Variants in NT5C3A observed in about 807,000 individuals in gnomAD.
The protein encoded by NT5C3A is 5'-nucleotidase, cytosolic IIIA, also known as cytosolic 5'-nucleotidase 3A.
NT5C3A carries 23 observed loss-of-function variants against 40.0 expected under a neutral mutation model. That is an observed-to-expected ratio of 0.58 (90% CI 0.41 to 0.81). The LOEUF is 0.81. Among genes scored for constraint, NT5C3A ranks in the 40% least tolerant of loss-of-function variants. NT5C3A has a pLI of 0.00. For missense variants in NT5C3A, 328 were observed against 403.0 expected, an observed-to-expected ratio of 0.81 and a Z score of 1.59; for synonymous variants, 130 against 141.4, an observed-to-expected ratio of 0.92 and a Z score of 0.57.
intron 1 of NT5C3A, among the ~76,000 whole-genome samples, chr7:33,032,997 T>C (rs948780769): frequency 2.6e-5 from 4 of 152,130 alleles, no homozygotes; most frequent in Non-Finnish European, 4.4e-5. Flanking sequence ...AGCGATCCTC[T>C]TGCCTTGGCC....
chr7:33,026,339 A>C (rs1218722294), intron 2 of NT5C3A, among the ~76,000 whole-genome samples: 3 of 121,930 alleles, frequency 2.5e-5, no homozygotes, highest in Non-Finnish European at 4.8e-5. Context: ...ACAGAGCGAG[A>C]CTCCATCTCA....
intron 2 of NT5C3A, among the ~76,000 whole-genome samples, chr7:33,024,758 G>A (rs959401386): frequency 1.3e-5 from 2 of 152,128 alleles, no homozygotes; most frequent in African/African-American, 4.8e-5. Flanking sequence ...TAATTACCCT[G>A]ATTTGATTAT....
chr7:33,016,017 C>T, intron 7 of NT5C3A, 147 bp from the exon 8 acceptor site: 1 of 654,880 alleles, frequency 1.5e-6, no homozygotes, highest in Non-Finnish European at 2.7e-6. Flanking sequence ...CACTTAAGTC[C>T]ATCACATTCA....
At chr7:33,044,245 C>T (rs1787048893) in intron 1 of NT5C3A, among the ~76,000 whole-genome samples, 1 of 151,910 alleles carries the variant, frequency 6.6e-6, no homozygotes, top group African/African-American at 2.4e-5. Flanking sequence ...TGTCTCTGGG[C>T]AACACATAAC....
intron 1 of NT5C3A, among the ~76,000 whole-genome samples, chr7:33,040,575 C>A (rs934455063): frequency 6.6e-6 from 1 of 152,204 alleles, no homozygotes; most frequent in Non-Finnish European, 1.5e-5. Context: ...TGTTTCCCCT[C>A]AACCTGGAAA....
chr7:33,014,965 A>G, intron 8 of NT5C3A, 134 bp from the exon 9 acceptor site: 2 of 812,440 alleles, frequency 2.5e-6, no homozygotes, highest in Non-Finnish European at 3.9e-6. Flanking sequence ...CTTTGAAATG[A>G]AGAAATATTT....
At chr7:33,048,627 A>G (rs1016948690) in intron 1 of NT5C3A, among the ~76,000 whole-genome samples, 1 of 152,206 alleles carries the variant, frequency 6.6e-6, no homozygotes, top group Non-Finnish European at 1.5e-5. Flanking sequence ...GCCAAATTAA[A>G]TTTCAGTAGC....
At chr7:33,018,338 C>T (rs1785451241) in intron 6 of NT5C3A, among the ~76,000 whole-genome samples, 1 of 152,124 alleles carries the variant, frequency 6.6e-6, no homozygotes, top group African/African-American at 2.4e-5. Flanking sequence ...ATCTTAAGCC[C>T]TCTTCCCTTT....
intron 1 of NT5C3A, among the ~76,000 whole-genome samples, chr7:33,034,964 T>C (rs1786502352): frequency 6.6e-6 from 1 of 152,192 alleles, no homozygotes; most frequent in Admixed American, 6.6e-5. Context: ...AGAACAGATG[T>C]AATTTCTTTC....
chr7:33,024,107 A>G lies in NT5C3A; in HGVS notation c.239T>C (p.Ile80Thr), dbSNP rs1481096913. ...GAGTGTCATATCAAAGTCCGTTATT[A>G]TCTGTAAGAAAAGAGTGAAATGCAT... ...LIKGGAAKLQ[I>T]ITDFDMTLSR... Residue 80 changes from isoleucine (I) to threonine (T), a missense_variant and splice_region_variant, in exon 3 of 9, where the codon ATA becomes ACA. By Grantham distance (89) the Ile-to-Thr change is moderately conservative (BLOSUM62 -1). This residue lies in a region of NT5C3A where 280 missense variants were observed against 317.2 expected (regional missense o/e 0.88). Transcript: ENST00000610140. The G allele has an allele frequency of 6.4e-7, 1 of 1,558,500 alleles. No homozygotes were observed. Among genetic ancestry groups the G allele is most frequent in the Non-Finnish European group, 8.8e-7 (1 of 1,130,516 alleles).
chr7:33,039,555 G>GTTTTTTTT (rs776873396), intron 1 of NT5C3A, among the ~76,000 whole-genome samples: 4,493 of 69,502 alleles, frequency 0.065, 620 homozygotes, highest in African/African-American at 0.096. Flanking sequence ...TTAAGCTTGG[G>GTTTTTTTT]TTTTTTGTTT....
intron 1 of NT5C3A, among the ~76,000 whole-genome samples, chr7:33,039,898 G>C (rs1043007128): frequency 6.6e-6 from 1 of 152,136 alleles, no homozygotes; most frequent in Admixed American, 6.6e-5. Flanking sequence ...AGCAGCTACT[G>C]AGTCAGAATT....
At chr7:33,055,203 T>C (rs1287458717) in intron 1 of NT5C3A, among the ~76,000 whole-genome samples, 2 of 152,004 alleles carry the variant, frequency 1.3e-5, no homozygotes, top group East Asian at 3.9e-4. Flanking sequence ...TGCCTGTCTA[T>C]AGTCCCAGCT....
chr7:33,052,360 G>C (rs1237330469), intron 1 of NT5C3A, among the ~76,000 whole-genome samples: 1 of 121,536 alleles, frequency 8.2e-6, no homozygotes, highest in Non-Finnish European at 1.7e-5. Flanking sequence ...GCAGGTGCCT[G>C]TAATACCAAC....
chr7:33,017,470 A>G lies in NT5C3A; in HGVS notation c.662T>C (p.Val221Ala). ...QAGVYHPNVKVVSNFMDFDET... is the reference protein window; with the variant it reads ...QAGVYHPNVKAVSNFMDFDET... ...ATCAAAATCCATAAAATTGGACACA[A>G]CTTTGACATTGGGATGATAAACACC... The change falls in exon 7 of 9, where the codon GTT becomes GCT. Residue 221 changes from valine (V) to alanine (A), a missense_variant. Physicochemically the swap from Val to Ala is moderately conservative, Grantham distance 64. Transcript: ENST00000610140. 1 of 1,613,372 alleles carries G rather than the reference A, an allele frequency of 6.2e-7. No homozygotes were observed. Among genetic ancestry groups the G allele is most frequent in the Non-Finnish European group, 8.5e-7 (1 of 1,179,334 alleles).
At position 33,014,586 on chromosome 7, in the gene NT5C3A, T is replaced by G; in HGVS notation, c.*144A>C. ...AGAAAAGGAGCTTCCAGTCAATGCATTCACCATATCTGAAAATACTTCAGT... is the reference window on the plus strand; with the variant it reads ...AGAAAAGGAGCTTCCAGTCAATGCAGTCACCATATCTGAAAATACTTCAGT... On this transcript the variant is annotated 3_prime_UTR_variant, in exon 9 of 9. Coordinates refer to ENST00000610140, the MANE Select transcript of NT5C3A (RefSeq NM_001002010.5). 4 of 1,221,278 alleles carry G rather than the reference T, an allele frequency of 3.3e-6. No homozygotes were observed. In the South Asian group the frequency reaches 5.2e-5, roughly 16 times the overall value. The allele number at this position is 1,221,278 out of a possible 1,614,324, so 75.7% of individuals were successfully genotyped here.
intron 1 of NT5C3A, among the ~76,000 whole-genome samples, chr7:33,034,427 G>A (rs1786468272): frequency 6.6e-6 from 1 of 151,994 alleles, no homozygotes; most frequent in South Asian, 2.1e-4. Context: ...TATACTGCTT[G>A]TGTTCACGTA....
intron 5 of NT5C3A, 132 bp from the exon 6 acceptor site, chr7:33,019,856 T>C: frequency 1.5e-6 from 1 of 667,624 alleles, no homozygotes. Context: ...GAGATTGAAG[T>C]TCATCACTAA....
At chr7:33,030,494 A>G (rs1319253423) in intron 1 of NT5C3A, among the ~76,000 whole-genome samples, 1 of 152,234 alleles carries the variant, frequency 6.6e-6, no homozygotes, top group Non-Finnish European at 1.5e-5. Flanking sequence ...TGAAAAATAA[A>G]TAAGAAGCTA....
Sources: allele counts gnomAD v4.1 joint callset (sites outside exome capture counted in the v4.1 genomes callset), GRCh38; gene constraint gnomAD v4.1.1; regional missense constraint gnomAD v4.1.1; transcripts MANE v1.5; gene names NCBI Gene and HGNC (gene_info 2026-07-23, HGNC 2026-07-21).